ATP13A5: variants seen among roughly 807,000 people sequenced by gnomAD.
ATP13A5 encodes ATPase 13A5, also known as probable cation-transporting ATPase 13A5.
Under a neutral mutation model 150.2 loss-of-function variants are expected in ATP13A5, and 149 were observed. The observed-to-expected ratio is 0.99, with a 90% CI of 0.87 to 1.14. The LOEUF is 1.14. ATP13A5 is among the 50% of genes most tolerant of loss of function. The pLI is 0.00. For missense variants in ATP13A5, 1,383 were observed against 1,449.3 expected, an observed-to-expected ratio of 0.95 and a Z score of 0.74; for synonymous variants, 497 against 522.2, an observed-to-expected ratio of 0.95 and a Z score of 0.66.
intron 29 of ATP13A5, 78 bp from the exon 30 acceptor site, chr3:193,275,380 C>T (rs1577316449): frequency 2.0e-6 from 3 of 1,517,820 alleles, no homozygotes; most frequent in African/African-American, 1.4e-5. Context: ...CCACAGCCAC[C>T]TCCTTTCCCC....
Position 193,275,084 on chromosome 3 carries a change from C to A in ATP13A5, c.3615G>T (p.Leu1205Phe). ...HEQIPKRKLK[L>F]GGQPTEQHFW... ...AATGCTGTTCTGTGGGTTGGCCTCC[C>A]AATTTGAGTTTTCTTTTTGGAATCT... is the stretch of plus-strand genomic sequence containing the variant. Residue 1205 changes from leucine to phenylalanine, a missense_variant, in exon 30 of 30, where the codon TTG becomes TTT. Coordinates refer to ENST00000342358, the MANE Select transcript of ATP13A5 (RefSeq NM_198505.4). 1.2e-6 allele frequency: 2 copies of A among 1,614,196 alleles called. No individual in the cohort carries two copies. The highest frequency in any genetic ancestry group is 8.5e-7 in the Non-Finnish European group (1 of 1,180,048).
At chr3:193,360,630 AT>A (rs1459241396) in intron 5 of ATP13A5, among the ~76,000 whole-genome samples, 3 of 152,220 alleles carry the variant, frequency 2.0e-5, no homozygotes, top group Non-Finnish European at 4.4e-5. Flanking sequence ...TATTTGGAAA[AT>A]GATACTCTTT....
rs142594315 is a variant in ATP13A5, at chr3:193,343,982, T to C, written c.888A>G (p.Pro296=). ...ILILPGKFSL[P]CDAVLIDGSC... ...TTCCATCAATCAAAACAGCATCACA[T>C]GGCAATGAAAATTTTCCTGGAAGAA... The change falls in exon 9 of 30, where the codon CCA becomes CCG. Residue 296 remains proline (P), a synonymous_variant. Coordinates refer to ENST00000342358, the MANE Select transcript of ATP13A5 (RefSeq NM_198505.4). 176 of 1,613,388 alleles carry C rather than the reference T, an allele frequency of 1.1e-4. No homozygotes were observed. The highest frequency in any genetic ancestry group is 1.4e-4 in the Non-Finnish European group (166 of 1,179,640).
intron 9 of ATP13A5, among the ~76,000 whole-genome samples, chr3:193,339,247 T>C (rs1185656395): frequency 6.6e-6 from 1 of 152,316 alleles, no homozygotes; most frequent in East Asian, 1.9e-4. Flanking sequence ...AGTTCTGCTC[T>C]GATCTTAGTT....
At chr3:193,337,896 C>T (rs560058280) in intron 9 of ATP13A5, among the ~76,000 whole-genome samples, 14 of 152,284 alleles carry the variant, frequency 9.2e-5, no homozygotes, top group Non-Finnish European at 1.5e-4. Flanking sequence ...TTTGTGTCCT[C>T]TTTTATTTCA....
At chr3:193,311,559 A>G (rs1485786316) in intron 20 of ATP13A5, among the ~76,000 whole-genome samples, 1 of 152,156 alleles carries the variant, frequency 6.6e-6, no homozygotes, top group Non-Finnish European at 1.5e-5. Flanking sequence ...GAGGGAAAGA[A>G]GGAGGAAGGC....
intron 21 of ATP13A5, among the ~76,000 whole-genome samples, chr3:193,308,514 G>A (rs953496557): frequency 3.3e-5 from 5 of 152,184 alleles, no homozygotes; most frequent in Non-Finnish European, 7.4e-5. Context: ...CCGATACTGG[G>A]CTGTGTAGAT....
chr3:193,344,098 G>A (rs1313823529), intron 8 of ATP13A5, 43 bp from the exon 9 acceptor site: 2 of 1,596,260 alleles, frequency 1.3e-6, no homozygotes, highest in East Asian at 2.2e-5. Context: ...ACCTTTTCCT[G>A]TTTTTACTTA....
rs1308938230 is a variant in ATP13A5 at position 193,362,640 on chromosome 3, A to G, written c.385-3T>C. On this transcript the variant is annotated splice_polypyrimidine_tract_variant and splice_region_variant and intron_variant, in intron 3 of 29. Coordinates refer to ENST00000342358, the MANE Select transcript of ATP13A5 (RefSeq NM_198505.4). ...TTCTGCACTTCCATGCACCGCAGCT[A>G]CGATTGCAAATGTGATAGAGCAGGT... 6.2e-7 allele frequency: 1 copy of G among 1,613,976 alleles called. No homozygotes were observed. Among genetic ancestry groups the G allele is most frequent in the African/African-American group, 1.3e-5 (1 of 74,952 alleles).
In ATP13A5 at chr3:193,331,105, G is replaced by A. The variant is rs778158128; in HGVS notation, c.1461+18C>T. On this transcript the variant is annotated intron_variant, in intron 12 of 29. Transcript: ENST00000342358. ...CCTTGAAATCATTAACATTAAACCT[G>A]AGAAGTCTGGATCATACTTTGTCAA... The A allele has an allele frequency of 2.8e-5, 45 of 1,608,438 alleles. No homozygotes were observed. Among genetic ancestry groups the A allele is most frequent in the Non-Finnish European group, 1.3e-5 (15 of 1,176,532 alleles).
At position 193,310,644 on chromosome 3, in the gene ATP13A5, T is replaced by C; in HGVS notation, c.2519A>G (p.Lys840Arg). 4 of 1,605,750 alleles carry C rather than the reference T, an allele frequency of 2.5e-6. No homozygotes were observed. The highest frequency in any genetic ancestry group is 3.4e-6 in the Non-Finnish European group (4 of 1,177,544). Residue 840 changes from lysine to arginine, a missense_variant, in exon 21 of 30, where the codon AAA (lysine) becomes AGA (arginine). Lys to Arg is a conservative substitution (Grantham distance 26, BLOSUM62 2). Transcript: ENST00000342358. Reference protein sequence around the residue: ...QKSSLIEEFQKLNYYVGMCGD... With the variant: ...QKSSLIEEFQRLNYYVGMCGD... Reference sequence around the variant, plus strand: ...TTCATGCCATGACACCTACTTTAATTTCTGAAATTCTTCAATAAGGCTTGA... The same window carrying C: ...TTCATGCCATGACACCTACTTTAATCTCTGAAATTCTTCAATAAGGCTTGA...
chr3:193,318,086 T>C (rs1348629824), intron 17 of ATP13A5, among the ~76,000 whole-genome samples: 1 of 152,226 alleles, frequency 6.6e-6, no homozygotes, highest in African/African-American at 2.4e-5. Context: ...TATTAAAATG[T>C]CATGGCTGAA....
chr3:193,369,267 G>T (rs1049708051), intron 1 of ATP13A5, among the ~76,000 whole-genome samples: 3 of 151,882 alleles, frequency 2.0e-5, no homozygotes, highest in African/African-American at 7.3e-5. Flanking sequence ...AAAATATATA[G>T]AAATGAATTT....
intron 25 of ATP13A5, among the ~76,000 whole-genome samples, chr3:193,294,845 C>T (rs977448889): frequency 5.3e-5 from 8 of 152,122 alleles, no homozygotes; most frequent in East Asian, 1.9e-4. Flanking sequence ...ATGCTCACAA[C>T]GCTTAAGTAG....
chr3:193,339,937 T>G (rs1330617912), intron 9 of ATP13A5, among the ~76,000 whole-genome samples: 1 of 152,214 alleles, frequency 6.6e-6, no homozygotes, highest in Non-Finnish European at 1.5e-5. Context: ...TTGCAGATAA[T>G]TTGTTCCAGA....
chr3:193,336,831 G>A (rs578186344), intron 9 of ATP13A5, among the ~76,000 whole-genome samples: 192 of 152,266 alleles, frequency 1.3e-3, no homozygotes, highest in African/African-American at 3.8e-3. Context: ...CACAATGGTT[G>A]AACTAGTTTA....
At position 193,343,951 on chromosome 3, in the gene ATP13A5, C is replaced by T. The variant is rs371940596; in HGVS notation, c.919G>A (p.Val307Met). 4.5e-5 allele frequency: 72 copies of T among 1,613,050 alleles called. No homozygotes were observed. Among genetic ancestry groups the T allele is most frequent in the Middle Eastern group, 1.6e-4 (1 of 6,070 alleles). ...CDAVLIDGSC[V>M]VNEGMLTGES... is the part of the protein sequence containing the mutation. ...CCTGTAAGCATGCCTTCATTCACCA[C>T]GCAGCTTCCATCAATCAAAACAGCA... The change falls in exon 9 of 30, where the codon GTG (valine) becomes ATG (methionine). Residue 307 changes from valine to methionine, a missense_variant. By Grantham distance (21) the Val-to-Met change is conservative (BLOSUM62 1). This residue lies in a region of ATP13A5 where 787 missense variants were observed against 771.9 expected (regional missense o/e 1.02). Transcript: ENST00000342358.
At chr3:193,308,710 G>C (rs1718716494) in intron 21 of ATP13A5, among the ~76,000 whole-genome samples, 1 of 152,150 alleles carries the variant, frequency 6.6e-6, no homozygotes, top group Non-Finnish European at 1.5e-5. Context: ...AATGACAAAG[G>C]CATGAGGAGG....
chr3:193,297,302 C>T (rs570104731), intron 25 of ATP13A5, among the ~76,000 whole-genome samples: 2 of 151,876 alleles, frequency 1.3e-5, no homozygotes, highest in South Asian at 2.1e-4. Flanking sequence ...GGAAGAAAAG[C>T]TTTGAATCAG....
Sources: allele counts gnomAD v4.1 joint callset (sites outside exome capture counted in the v4.1 genomes callset), GRCh38; gene constraint gnomAD v4.1.1; regional missense constraint gnomAD v4.1.1; transcripts MANE v1.5; gene names NCBI Gene and HGNC (gene_info 2026-07-23, HGNC 2026-07-21).